Variants in AK6 observed in about 807,000 individuals in gnomAD.
AK6 encodes the protein adenylate kinase 6, also known as adenylate kinase isoenzyme 6.
AK6 carries 24 observed loss-of-function variants against 23.7 expected under a neutral mutation model. That is an observed-to-expected ratio of 1.01 (90% CI 0.73 to 1.43). The LOEUF (loss-of-function observed/expected upper bound fraction) is 1.43. Among genes scored for constraint, AK6 ranks in the 40% most tolerant of loss-of-function variants. The probability of loss-of-function intolerance (pLI) is 0.00; values close to 1 mark genes in which losing one functional copy is unlikely to be tolerated. For missense variants in AK6, 191 were observed against 199.1 expected (o/e 0.96, Z 0.24); for synonymous variants, 73 against 69.8 (o/e 1.05, Z -0.23).
chr5:69,365,296 A>C lies in AK6; in HGVS notation c.121+1207T>G, dbSNP rs781495739. ...CTGCTAGTAACTGAACCAACACTTA[A>C]CCGCGGGACTGTTATTCTTCCCGCA... is the stretch of plus-strand genomic sequence containing the variant. On this transcript the variant is annotated intron_variant, in intron 2 of 4. Coordinates refer to ENST00000380822, the MANE Select transcript of AK6 (RefSeq NM_016283.5). 5 of 1,614,116 alleles carry C rather than the reference A, an allele frequency of 3.1e-6. No individual in the cohort carries two copies. The highest frequency in any genetic ancestry group is 4.2e-6 in the Non-Finnish European group (5 of 1,180,024).
intron 2 of AK6, 32 bp downstream of exon 2, chr5:69,366,469 AAC>A: frequency 6.3e-7 from 1 of 1,581,002 alleles, no homozygotes; most frequent in Admixed American, 1.7e-5. Flanking sequence ...TTAAAAAAAA[AAC>A]AAAACAAATC....
At chr5:69,356,975 A>G (rs1762099797) in intron 2 of AK6, among the ~76,000 whole-genome samples, 1 of 152,218 alleles carries the variant, frequency 6.6e-6, no homozygotes, top group Admixed American at 6.5e-5. Context: ...TCTTACCCTT[A>G]GCCCCAGCCC....
intron 1 of AK6, chr5:69,369,242 C>CCCCCCCCCCCCCCCCCCCCCCCCCA: frequency 4.0e-6 from 1 of 252,652 alleles, no homozygotes; most frequent in Non-Finnish European, 7.4e-6. Flanking sequence ...CCCCGCCCCC[C>CCCCCCCCCCCCCCCCCCCCCCCCCA]CCCGGAGCCT....
At chr5:69,361,805 C>T (rs532552734) in intron 2 of AK6, among the ~76,000 whole-genome samples, 16 of 151,854 alleles carry the variant, frequency 1.1e-4, no homozygotes, top group Non-Finnish European at 1.8e-4. Context: ...GGGGTTTCAC[C>T]ATGTTGGACA....
At chr5:69,353,771 G>GT (rs980507806) in intron 4 of AK6, among the ~76,000 whole-genome samples, 3 of 151,736 alleles carry the variant, frequency 2.0e-5, no homozygotes, top group African/African-American at 7.3e-5. Flanking sequence ...GGATATTTTT[G>GT]TTTTTTGGTT....
At chr5:69,361,446 CTTTT>C (rs200519136) in intron 2 of AK6, among the ~76,000 whole-genome samples, 1 of 146,822 alleles carries the variant, frequency 6.8e-6, no homozygotes, top group Non-Finnish European at 1.5e-5. Context: ...TAATAGTTTT[CTTTT>C]TTTTTTGAGA....
intron 1 of AK6, 121 bp from the exon 2 acceptor site, chr5:69,366,716 T>A: frequency 1.4e-6 from 1 of 723,180 alleles, no homozygotes; most frequent in East Asian, 2.5e-5. Context: ...CCCTTAAAAG[T>A]TCTTGACGAC....
At chr5:69,365,228 C>T in intron 2 of AK6, 3 of 1,614,212 alleles carry the variant, frequency 1.9e-6, no homozygotes, top group Non-Finnish European at 2.5e-6. Flanking sequence ...TTGAAACAGA[C>T]ATGGTCTGTG....
In AK6 at chr5:69,367,479, C is replaced by T. The variant is rs189771373; in HGVS notation, c.29-884G>A. ...GAGCCAAGATCGCGCCACAGCACTCCAGCCTGGCGACAGAGACTCCATCTC... is the reference window on the plus strand; with the variant it reads ...GAGCCAAGATCGCGCCACAGCACTCTAGCCTGGCGACAGAGACTCCATCTC... On this transcript the variant is annotated intron_variant, in intron 1 of 4. Transcript: ENST00000380822. Among the ~76,000 whole-genome samples the T allele has an allele frequency of 4.4e-3, 632 of 142,812 alleles. 2 individuals carry two copies. Among genetic ancestry groups the T allele is most frequent in the Non-Finnish European group, 6.3e-3 (418 of 66,382 alleles). The allele number at this position is 142,812 out of a possible 152,430, so 93.7% of individuals were successfully genotyped here. A position where few individuals can be genotyped will look rare whatever the true frequency, so the allele number is the denominator to read the frequency against.
At position 69,369,471 on chromosome 5, in the gene AK6, A is replaced by T; in HGVS notation, c.20T>A (p.Leu7Gln). 6.2e-7 allele frequency: 1 copy of T among 1,610,952 alleles called. No individual in the cohort carries two copies. Among genetic ancestry groups the T allele is most frequent in the Non-Finnish European group, 8.5e-7 (1 of 1,179,220 alleles). MLLPNI[L>Q]LTGTPGVGKT... ...CGGCCGCGCGCCCTGACCGGTGAGC[A>T]GGATGTTCGGAAGCAACATGGTCCC... The change falls in exon 1 of 5, where the codon CTG (leucine) becomes CAG (glutamine). Residue 7 changes from leucine to glutamine, a missense_variant. Transcript: ENST00000380822.
At chr5:69,366,845 AC>A in intron 1 of AK6, 1 of 430,662 alleles carries the variant, frequency 2.3e-6, no homozygotes, top group Admixed American at 3.5e-5. Flanking sequence ...TGCAACCTCC[AC>A]CTCCCAGGTT....
At chr5:69,367,534 C>G (rs1466864269) in intron 1 of AK6, among the ~76,000 whole-genome samples, 1 of 151,142 alleles carries the variant, frequency 6.6e-6, no homozygotes, top group Non-Finnish European at 1.5e-5. Flanking sequence ...TTAGCCACCT[C>G]GAATCAATTA....
intron 4 of AK6, 32 bp downstream of exon 4, chr5:69,355,617 G>C (rs373374062): frequency 6.8e-5 from 105 of 1,548,502 alleles, no homozygotes; most frequent in Non-Finnish European, 2.1e-5. Context: ...TTAACATTAT[G>C]CTTTAAGAAT....
chr5:69,352,160 G>A lies in AK6; in HGVS notation c.420C>T (p.Ile140=), dbSNP rs776574961. The change falls in exon 5 of 5, where the codon ATC becomes ATT. Residue 140 remains isoleucine, a synonymous_variant. Transcript: ENST00000380822. Reference sequence around the variant, plus strand: ...GTTTATTACTGGGCAGCTGATGCACGATTTCTTCCTTGTAGGATGCTGTGG... The same window carrying A: ...GTTTATTACTGGGCAGCTGATGCACAATTTCTTCCTTGTAGGATGCTGTGG... ...EEATASYKEE[I]VHQLPSNKPE... is the part of the protein sequence containing the mutation. 1.2e-5 allele frequency: 19 copies of A among 1,613,744 alleles called. No homozygotes were observed. The highest frequency in any genetic ancestry group is 9.9e-5 in the South Asian group (9 of 91,076).
At chr5:69,366,780 CAG>C (rs1422709974) in intron 1 of AK6, 185 bp from the exon 2 acceptor site, 13 of 579,216 alleles carry the variant, frequency 2.2e-5, no homozygotes, top group South Asian at 6.4e-5. Flanking sequence ...TTTTTTGAGA[CAG>C]AGTTTCACTC....
At chr5:69,369,130 C>A (rs1762697630) in intron 1 of AK6, 1 of 439,126 alleles carries the variant, frequency 2.3e-6, no homozygotes, top group South Asian at 4.3e-5. Context: ...CCAACCCTGC[C>A]AAAGAATCAA....
chr5:69,365,192 G>A (rs1187463635), intron 2 of AK6: 3 of 1,614,106 alleles, frequency 1.9e-6, no homozygotes, highest in South Asian at 1.1e-5. Flanking sequence ...TTTGACCTGT[G>A]AGGGACATGG....
chr5:69,366,999 T>C (rs1762458808), intron 1 of AK6, among the ~76,000 whole-genome samples: 1 of 152,062 alleles, frequency 6.6e-6, no homozygotes, highest in African/African-American at 2.4e-5. Flanking sequence ...CCTCAGGTGA[T>C]CTGCCAGCCT....
chr5:69,367,797 C>T (rs1340587447), intron 1 of AK6: 2 of 152,188 alleles, frequency 1.3e-5, no homozygotes, highest in African/African-American at 2.4e-5. Context: ...TCCCCACCTC[C>T]ACCTCCCAAA....
Sources: gnomAD v4.1 joint callset for allele counts (sites outside exome capture counted in the v4.1 genomes callset) on GRCh38, gnomAD v4.1.1 for gene constraint, MANE v1.5 for transcripts, NCBI Gene and HGNC (gene_info 2026-07-23, HGNC 2026-07-21) for gene names.